Variants in GCC2 observed in about 807,000 individuals in gnomAD.
GCC2 encodes the protein GRIP and coiled-coil domain containing 2.
Under a neutral mutation model 210.6 loss-of-function variants are expected in GCC2, and 120 were observed. The observed-to-expected ratio is 0.57, with a 90% CI of 0.49 to 0.66. GCC2 has a LOEUF of 0.66. Among genes scored for constraint, GCC2 ranks in the 30% least tolerant of loss-of-function variants. The pLI, the probability that GCC2 is intolerant of heterozygous loss-of-function variation, is 0.00. For synonymous variants in GCC2, 703 were observed against 652.7 expected (o/e 1.08, Z -1.17); for missense variants, 1,868 against 1,871.9 (o/e 1.00, Z 0.04).
At chr2:108,452,270 A>G (rs1679984749) in intron 3 of GCC2, 129 bp from the exon 4 acceptor site, 1 of 680,688 alleles carries the variant, frequency 1.5e-6, no homozygotes, top group Non-Finnish European at 2.7e-6. Flanking sequence ...GAGATTAATC[A>G]TACTATTCTG....
At chr2:108,504,452 C>G (rs995134651) in intron 22 of GCC2, among the ~76,000 whole-genome samples, 5 of 152,108 alleles carry the variant, frequency 3.3e-5, no homozygotes, top group Admixed American at 2.0e-4. Flanking sequence ...TCATGAGCTG[C>G]TCAGAGTAGC....
chr2:108,467,400 T>C (rs559969673), intron 4 of GCC2, among the ~76,000 whole-genome samples: 3 of 152,342 alleles, frequency 2.0e-5, no homozygotes, highest in South Asian at 4.1e-4. Context: ...TAATTACCTA[T>C]AGATTCTTCT....
intron 19 of GCC2, among the ~76,000 whole-genome samples, chr2:108,493,112 C>G (rs1446520272): frequency 6.6e-6 from 1 of 151,986 alleles, no homozygotes; most frequent in East Asian, 1.9e-4. Context: ...TTTTTTGAGA[C>G]GGAGTCTCGC....
intron 22 of GCC2, among the ~76,000 whole-genome samples, chr2:108,504,303 GT>G (rs1683079072): frequency 6.6e-6 from 1 of 152,070 alleles, no homozygotes; most frequent in African/African-American, 2.4e-5. Flanking sequence ...ATGAGGAATA[GT>G]TTTCCTTTCT....
At chr2:108,479,483 C>T (rs924188802) in intron 9 of GCC2, among the ~76,000 whole-genome samples, 4 of 151,236 alleles carry the variant, frequency 2.6e-5, no homozygotes, top group Middle Eastern at 3.2e-3. Flanking sequence ...TCTACTAAAA[C>T]TGCAAATATT....
At chr2:108,464,443 C>T (rs1680769314) in intron 4 of GCC2, among the ~76,000 whole-genome samples, 1 of 152,174 alleles carries the variant, frequency 6.6e-6, no homozygotes. Context: ...CTTGTGGGGA[C>T]AGCGTGAGCT....
intron 15 of GCC2, 99 bp from the exon 16 acceptor site, chr2:108,486,412 G>A (rs748747589): frequency 1.8e-6 from 2 of 1,088,096 alleles, no homozygotes; most frequent in Non-Finnish European, 2.8e-6. Flanking sequence ...TGCCTTATAT[G>A]TACTTATGTC....
At chr2:108,465,812 G>A (rs1680849903) in intron 4 of GCC2, among the ~76,000 whole-genome samples, 1 of 152,174 alleles carries the variant, frequency 6.6e-6, no homozygotes. Flanking sequence ...CCCACCAGCG[G>A]TGTATAAGTG....
intron 4 of GCC2, among the ~76,000 whole-genome samples, chr2:108,466,352 T>A (rs1680882188): frequency 6.6e-6 from 1 of 152,104 alleles, no homozygotes; most frequent in South Asian, 2.1e-4. Flanking sequence ...ACATCCATTT[T>A]CTTAATGGGC....
chr2:108,503,765 G>A (rs1343779523), intron 22 of GCC2, among the ~76,000 whole-genome samples: 4 of 152,150 alleles, frequency 2.6e-5, no homozygotes, highest in Middle Eastern at 3.2e-3. Context: ...ACCTATTAGT[G>A]GATGGTGAAA....
intron 16 of GCC2, among the ~76,000 whole-genome samples, chr2:108,487,247 A>G (rs752166073): frequency 1.3e-5 from 2 of 152,232 alleles, no homozygotes; most frequent in Non-Finnish European, 2.9e-5. Context: ...TTAAGTTCCA[A>G]AAGCACATAG....
At chr2:108,469,576 C>T in intron 5 of GCC2, 75 bp from the exon 6 acceptor site, 9 of 997,346 alleles carry the variant, frequency 9.0e-6, no homozygotes, top group Non-Finnish European at 1.3e-5. Flanking sequence ...TAGCTTGTGG[C>T]TAATATTTTT....
chr2:108,484,496 A>G lies in GCC2; in HGVS notation c.3613+185A>G, dbSNP rs1165597843. ...TTTGCCATTAAGTTGTTTGTAGTCC[A>G]TGCCTATGTCCTGAATGGTAATGCC... On this transcript the variant is annotated intron_variant, in intron 13 of 22. Coordinates refer to ENST00000309863, the MANE Select transcript of GCC2 (RefSeq NM_181453.4). 1.5e-5 allele frequency: 6 copies of G among 408,878 alleles called. No homozygotes were observed. In the East Asian group the frequency reaches 1.8e-4, roughly 12 times the overall value. 25.3% of individuals were successfully genotyped at this position (408,878 alleles called of 1,614,324 possible).
chr2:108,485,153 A>C (rs1224074334), intron 13 of GCC2, among the ~76,000 whole-genome samples: 1 of 147,166 alleles, frequency 6.8e-6, no homozygotes, highest in Admixed American at 6.9e-5. Flanking sequence ...GGGGAATATC[A>C]CACTCTGGGG....
At chr2:108,463,087 A>G (rs893670260) in intron 4 of GCC2, among the ~76,000 whole-genome samples, 1 of 151,932 alleles carries the variant, frequency 6.6e-6, no homozygotes, top group Non-Finnish European at 1.5e-5. Context: ...TTTGTCATTC[A>G]TATCCTGAAT....
intron 5 of GCC2, 76 bp from the exon 6 acceptor site, chr2:108,469,575 G>T: frequency 1.0e-6 from 1 of 969,138 alleles, no homozygotes; most frequent in Non-Finnish European, 1.6e-6. Flanking sequence ...TTAGCTTGTG[G>T]CTAATATTTT....
At chr2:108,501,069 C>G (rs2104514393) in intron 22 of GCC2, among the ~76,000 whole-genome samples, 1 of 152,142 alleles carries the variant, frequency 6.6e-6, no homozygotes, top group South Asian at 2.1e-4. Flanking sequence ...GATCATGGCT[C>G]ACTGCAACCT....
chr2:108,486,696 A>G, intron 16 of GCC2, 48 bp downstream of exon 16: 1 of 1,565,616 alleles, frequency 6.4e-7, no homozygotes. Context: ...TTTTATTATC[A>G]GCTAGTCATT....
chr2:108,495,967 G>C (rs1317963817), intron 20 of GCC2: 1 of 153,718 alleles, frequency 6.5e-6, no homozygotes, highest in Non-Finnish European at 1.4e-5. Context: ...AATCCCTTTG[G>C]CAACACCCTC....
Sources: allele counts gnomAD v4.1 joint callset (sites outside exome capture counted in the v4.1 genomes callset), GRCh38; gene constraint gnomAD v4.1.1; transcripts MANE v1.5; gene names NCBI Gene and HGNC (gene_info 2026-07-23, HGNC 2026-07-21).